Variants in RBFOX1 observed in about 807,000 individuals in gnomAD.
RBFOX1 encodes the protein RNA binding fox-1 homolog 1.
A neutral mutation model predicts 57.7 loss-of-function variants in RBFOX1; 8 were observed. The ratio of observed to expected loss-of-function variants is 0.14; its 90% confidence interval spans 0.08 to 0.25. The LOEUF (loss-of-function observed/expected upper bound fraction) is 0.25. Among genes scored for constraint, RBFOX1 ranks in the 10% least tolerant of loss-of-function variants. The pLI is 1.00. For missense variants in RBFOX1, 611 were observed against 548.5 expected (o/e 1.11, Z -1.14); for synonymous variants, 326 against 222.4 (o/e 1.47, Z -4.15).
intron 2 of RBFOX1, among the ~76,000 whole-genome samples, chr16:6,611,732 G>A (rs2098058513): frequency 6.6e-6 from 1 of 152,150 alleles, no homozygotes; most frequent in African/African-American, 2.4e-5. Context: ...TAGAGGGCGT[G>A]AGTGGAAACT....
chr16:7,452,629 C>T (rs980935344), intron 4 of RBFOX1, among the ~76,000 whole-genome samples: 6 of 152,022 alleles, frequency 3.9e-5, no homozygotes, highest in Non-Finnish European at 7.4e-5. Flanking sequence ...TGCTGTGGTG[C>T]CAAGGATCTA....
chr16:6,926,413 C>A (rs1466052398), intron 3 of RBFOX1, among the ~76,000 whole-genome samples: 4 of 152,202 alleles, frequency 2.6e-5, no homozygotes, highest in African/African-American at 9.6e-5. Flanking sequence ...CCTCACCACA[C>A]AGCAGGCCTC....
chr16:7,015,614 C>G (rs1180437341), intron 3 of RBFOX1, among the ~76,000 whole-genome samples: 1 of 152,180 alleles, frequency 6.6e-6, no homozygotes, highest in Non-Finnish European at 1.5e-5. Flanking sequence ...CTATTAGACA[C>G]CATTTGTGGT....
At chr16:6,964,200 G>A (rs141759159) in intron 3 of RBFOX1, among the ~76,000 whole-genome samples, 1,893 of 151,892 alleles carry the variant, frequency 0.012, 34 homozygotes, top group African/African-American at 0.043. Flanking sequence ...GTATTTTTTA[G>A]TAGAGATGGG....
chr16:6,611,300 C>A (rs1444205873), intron 2 of RBFOX1, among the ~76,000 whole-genome samples: 2 of 152,172 alleles, frequency 1.3e-5, no homozygotes, highest in Non-Finnish European at 2.9e-5. Context: ...GCGCACACCA[C>A]CACGCCTGGC....
chr16:7,638,554 T>C (rs533314179), intron 11 of RBFOX1, among the ~76,000 whole-genome samples: 1 of 152,286 alleles, frequency 6.6e-6, no homozygotes, highest in Admixed American at 6.5e-5. Context: ...CATCCCATCA[T>C]GTTTGGAGAG....
chr16:6,777,856 C>T (rs1193860145), intron 3 of RBFOX1, among the ~76,000 whole-genome samples: 3 of 152,090 alleles, frequency 2.0e-5, no homozygotes, highest in Non-Finnish European at 2.9e-5. Flanking sequence ...AAGAGTATTC[C>T]TCAGAGGTGT....
intron 1 of RBFOX1, among the ~76,000 whole-genome samples, chr16:6,041,299 A>C (rs1478105099): frequency 6.6e-6 from 1 of 152,080 alleles, no homozygotes; most frequent in Non-Finnish European, 1.5e-5. Context: ...TCCTTCTTTC[A>C]GGGGGAGGGT....
chr16:6,870,308 C>T (rs1005967443), intron 3 of RBFOX1, among the ~76,000 whole-genome samples: 3 of 152,122 alleles, frequency 2.0e-5, no homozygotes, highest in African/African-American at 7.2e-5. Context: ...TTTGTCAGCA[C>T]TACTGAAATT....
chr16:7,671,577 T>C (rs201726040), intron 13 of RBFOX1: 4 of 1,611,930 alleles, frequency 2.5e-6, no homozygotes, highest in Admixed American at 1.7e-5. Context: ...CAAGAGCCTG[T>C]GTATGGCAAT....
At chr16:5,590,468 C>A (rs2046970146) in intron 2 of RBFOX1, among the ~76,000 whole-genome samples, 1 of 152,114 alleles carries the variant, frequency 6.6e-6, no homozygotes, top group African/African-American at 2.4e-5. Flanking sequence ...CTACGAAGGG[C>A]TGGGGGTGGT....
intron 4 of RBFOX1, among the ~76,000 whole-genome samples, chr16:5,918,590 C>A (rs183423509): frequency 1.3e-5 from 2 of 152,340 alleles, no homozygotes; most frequent in East Asian, 3.9e-4. Context: ...GTCCACAATT[C>A]TCTGGATGAA....
chr16:7,244,889 C>A (rs966535158), intron 4 of RBFOX1, among the ~76,000 whole-genome samples: 1 of 152,166 alleles, frequency 6.6e-6, no homozygotes, highest in African/African-American at 2.4e-5. Flanking sequence ...AAGAAAAGCT[C>A]CGTATCCCAA....
At chr16:5,956,388 G>T (rs1254213672) in intron 4 of RBFOX1, among the ~76,000 whole-genome samples, 3 of 151,918 alleles carry the variant, frequency 2.0e-5, no homozygotes, top group African/African-American at 7.2e-5. Context: ...AGATTTATAT[G>T]AAAAATTATG....
intron 2 of RBFOX1, among the ~76,000 whole-genome samples, chr16:6,637,891 T>C (rs1319119709): frequency 6.6e-6 from 1 of 152,128 alleles, no homozygotes; most frequent in Non-Finnish European, 1.5e-5. Context: ...AGACAGTGAA[T>C]TACATTTTAC....
intron 3 of RBFOX1, among the ~76,000 whole-genome samples, chr16:6,949,635 G>A (rs189903497): frequency 2.0e-5 from 3 of 152,052 alleles, no homozygotes; most frequent in Admixed American, 6.6e-5. Flanking sequence ...TCTAAAAATG[G>A]CAGTCAAATT....
intron 3 of RBFOX1, among the ~76,000 whole-genome samples, chr16:6,905,712 A>G (rs1327105494): frequency 1.3e-5 from 2 of 152,182 alleles, no homozygotes; most frequent in African/African-American, 2.4e-5. Context: ...TCCCTGTTAG[A>G]AAGAATTTCT....
intron 4 of RBFOX1, among the ~76,000 whole-genome samples, chr16:7,338,463 A>G (rs532708337): frequency 6.6e-6 from 1 of 152,288 alleles, no homozygotes; most frequent in African/African-American, 2.4e-5. Flanking sequence ...TGGTGCAATC[A>G]TAGCTCACTG....
intron 2 of RBFOX1, among the ~76,000 whole-genome samples, chr16:6,558,435 C>T (rs967315992): frequency 3.9e-5 from 6 of 152,074 alleles, no homozygotes; most frequent in South Asian, 4.1e-4. Context: ...TTTTAGAAAA[C>T]ATGGATTTCC....
Sources: gnomAD v4.1 joint callset for allele counts (sites outside exome capture counted in the v4.1 genomes callset) on GRCh38, gnomAD v4.1.1 for gene constraint, MANE v1.5 for transcripts, NCBI Gene and HGNC (gene_info 2026-07-23, HGNC 2026-07-21) for gene names.